The following NBPF12 variants were observed in gnomAD, a reference collection of about 807,000 sequenced individuals.
The protein encoded by NBPF12 is NBPF family member NBPF12.
Under a neutral mutation model 146.4 loss-of-function variants are expected in NBPF12, and 115 were observed. The ratio of observed to expected loss-of-function variants is 0.79; its 90% CI spans 0.68 to 0.92. The LOEUF (loss-of-function observed/expected upper bound fraction) is 0.92, where lower values mean the gene tolerates loss of function less well. Among genes scored for constraint, NBPF12 ranks in the 40% least tolerant of loss-of-function variants. The pLI, the probability that NBPF12 is intolerant of heterozygous loss-of-function variation, is 0.00. For synonymous variants in NBPF12, 385 were observed against 508.9 expected (o/e 0.76, Z 3.28); for missense variants, 1,205 against 1,326.8 (o/e 0.91, Z 1.43).
intron 4 of NBPF12, 45 bp from the exon 8 acceptor site, chr1:146,962,116 A>C: frequency 1.3e-6 from 2 of 1,592,708 alleles, no homozygotes; most frequent in South Asian, 2.2e-5. Context: ...CCACAGCAGC[A>C]TGTCCAGCCT....
exon 2 of NBPF12, chr1:146,943,491 C>G: frequency 1.5e-6 from 2 of 1,337,858 alleles, no homozygotes; most frequent in South Asian, 1.3e-5. Context: ...GATGTAGAAA[C>G]TTACCCATTC....
chr1:146,963,316 T>C lies in NBPF12; in HGVS notation c.493+7T>C. 6.2e-7 allele frequency: 1 copy of C among 1,611,598 alleles called. No homozygotes were observed. Among genetic ancestry groups the C allele is most frequent in the East Asian group, 2.2e-5 (1 of 44,864 alleles). On this transcript the variant is annotated splice_region_variant and intron_variant, in intron 6 of 33. Coordinates refer to ENST00000617844, the Ensembl canonical transcript of NBPF12. ...GTCCAAAAGCTCAGCCCAGGTAAGG[T>C]GGCCATAGGCCCTGATGACCCAAAA... is the stretch of plus-strand genomic sequence containing the variant.
In NBPF12 at chr1:146,969,615, C is replaced by G; in HGVS notation, c.1306+19C>G. On this transcript the variant is annotated intron_variant, in intron 11 of 33. Coordinates refer to ENST00000617844, the Ensembl canonical transcript of NBPF12. ...AGCCCAGGTAAGGTGGCCACAGGCC[C>G]TGATGACCCAAAACCCCAGGCTTAT... The G allele has an allele frequency of 1.2e-6, 2 of 1,609,416 alleles. No homozygotes were observed. Among genetic ancestry groups the G allele is most frequent in the South Asian group, 2.2e-5 (2 of 90,888 alleles).
chr1:146,970,716 C>T (rs1403348013), exon 12 of NBPF12: 5 of 1,358,484 alleles, frequency 3.7e-6, no homozygotes, highest in Non-Finnish European at 5.3e-6. Flanking sequence ...TCATCTTCCC[C>T]CAGGTGACAC....
intron 14 of NBPF12, among the ~76,000 whole-genome samples, chr1:146,973,214 A>C (rs1327887638): frequency 3.3e-5 from 5 of 151,064 alleles, no homozygotes; most frequent in Non-Finnish European, 7.4e-5. Flanking sequence ...ACACCGGCAC[A>C]GAATGACCTG....
intron 2 of NBPF12, among the ~76,000 whole-genome samples, chr1:146,956,507 T>A (rs1387489741): frequency 6.6e-6 from 1 of 151,162 alleles, no homozygotes; most frequent in Non-Finnish European, 1.5e-5. Context: ...AAATTATGCC[T>A]TTATAAAGTT....
chr1:146,970,327 T>G (rs1362683719), intron 11 of NBPF12, among the ~76,000 whole-genome samples: 3 of 150,848 alleles, frequency 2.0e-5, no homozygotes, highest in Admixed American at 1.3e-4. Flanking sequence ...CCAAGCCTGT[T>G]CCTGGGAATC....
chr1:146,973,303 T>C (rs1253578246), intron 14 of NBPF12, among the ~76,000 whole-genome samples: 6 of 151,630 alleles, frequency 4.0e-5, no homozygotes, highest in African/African-American at 1.5e-4. Flanking sequence ...TAACATCTAG[T>C]CTGTTGTTCT....
intron 14 of NBPF12, among the ~76,000 whole-genome samples, chr1:146,973,400 A>G (rs1377879647): frequency 1.3e-5 from 2 of 151,672 alleles, no homozygotes; most frequent in African/African-American, 2.4e-5. Context: ...ACTCTGAGGG[A>G]AACTTGGTGA....
chr1:146,987,733 TTGTGTGTGTG>T (rs782154969), intron 25 of NBPF12, among the ~76,000 whole-genome samples: 3 of 146,128 alleles, frequency 2.1e-5, no homozygotes, highest in Admixed American at 6.8e-5. Flanking sequence ...GTGTGTGTGT[TTGTGTGTGTG>T]TGTGTGTGTG....
chr1:146,959,089 T>C (rs1444795882), intron 2 of NBPF12, among the ~76,000 whole-genome samples: 15,416 of 93,950 alleles, frequency 0.16, 2,436 homozygotes, highest in Admixed American at 0.3. Context: ...TGTGTGATAA[T>C]CATACAATCA....
intron 2 of NBPF12, among the ~76,000 whole-genome samples, chr1:146,953,054 C>G (rs1655395940): frequency 6.6e-6 from 1 of 150,846 alleles, no homozygotes; most frequent in Non-Finnish European, 1.5e-5. Flanking sequence ...CCTGTGGCGC[C>G]TCTCCTCTAC....
upstream of NBPF12, among the ~76,000 whole-genome samples, chr1:146,945,690 G>A (rs1655021058): frequency 6.6e-6 from 1 of 151,682 alleles, no homozygotes. Flanking sequence ...ATAGTACAGA[G>A]AGTTCTCCTA....
At chr1:146,972,716 T>C in intron 13 of NBPF12, 35 bp from the exon 17 acceptor site, 1 of 1,382,652 alleles carries the variant, frequency 7.2e-7, no homozygotes, top group Non-Finnish European at 1.0e-6. Flanking sequence ...TCATCAGTTT[T>C]TAACCCATCA....
rs1457212238 is a variant in NBPF12 at position 146,981,025 on chromosome 1, C to G, written c.2451-1903C>G. Among the ~76,000 whole-genome samples, 142 of 137,406 alleles carry G rather than the reference C, an allele frequency of 1.0e-3. 2 individuals are homozygous for G. The highest frequency in any genetic ancestry group is 3.8e-3 in the African/African-American group (136 of 36,188). The allele number at this position is 137,406 out of a possible 152,430, so 90.1% of individuals were successfully genotyped here. On this transcript the variant is annotated intron_variant, in intron 19 of 33. Coordinates refer to ENST00000617844, the Ensembl canonical transcript of NBPF12. The stretch of plus-strand genomic sequence containing the variant: ...AACCATCATTCTCAGCAAACTATTG[C>G]AAGGACAAAAAACCAAATACCGCAT...
chr1:146,965,910 C>G (rs1444611283), intron 8 of NBPF12, among the ~76,000 whole-genome samples: 64 of 148,482 alleles, frequency 4.3e-4, no homozygotes, highest in Non-Finnish European at 7.4e-4. Flanking sequence ...GAGATCGAAA[C>G]CAGCCTGTCC....
intron 27 of NBPF12, among the ~76,000 whole-genome samples, chr1:146,989,350 C>G (rs1657998443): frequency 6.8e-6 from 1 of 147,138 alleles, no homozygotes; most frequent in Non-Finnish European, 1.5e-5. Flanking sequence ...GTCTCTGTCT[C>G]TGTCTCTGTC....
intron 25 of NBPF12, among the ~76,000 whole-genome samples, chr1:146,987,721 TTGTG>T (rs1657872335): frequency 1.3e-5 from 2 of 151,146 alleles, no homozygotes; most frequent in Admixed American, 6.6e-5. Context: ...GCGTGTGTCT[TTGTG>T]TGTGTGTTTG....
chr1:146,941,790 G>C (rs1229727287), intron 1 of NBPF12, among the ~76,000 whole-genome samples: 1 of 133,670 alleles, frequency 7.5e-6, no homozygotes, highest in Non-Finnish European at 1.6e-5. Flanking sequence ...AAAGAAAAAA[G>C]AAATCAATGC....
Sources: allele counts gnomAD v4.1 joint callset (sites outside exome capture counted in the v4.1 genomes callset), GRCh38; gene constraint gnomAD v4.1.1; transcripts MANE v1.5; gene names NCBI Gene and HGNC (gene_info 2026-07-23, HGNC 2026-07-21).